The following PAPLN variants were observed in gnomAD, a reference collection of about 807,000 sequenced individuals.
PAPLN encodes the protein papilin, proteoglycan like sulfated glycoprotein, also known as papilin.
A neutral mutation model predicts 159.0 loss-of-function variants in PAPLN; 146 were observed. That is an observed-to-expected ratio of 0.92 (90% CI 0.80 to 1.05). The LOEUF (loss-of-function observed/expected upper bound fraction) is 1.05. Among genes scored for constraint, PAPLN ranks in the 50% least tolerant of loss-of-function variants. The pLI is 0.00. For missense variants in PAPLN, 1,720 were observed against 1,743.9 expected, an observed-to-expected ratio of 0.99 and a Z score of 0.24; for synonymous variants, 734 against 702.9, an observed-to-expected ratio of 1.04 and a Z score of -0.70.
chr14:73,269,816 A>G (rs1474165516), intron 26 of PAPLN, among the ~76,000 whole-genome samples: 1 of 151,974 alleles, frequency 6.6e-6, no homozygotes, highest in Non-Finnish European at 1.5e-5. Context: ...ATTCCTGACA[A>G]TCAGGGCTGC....
intron 18 of PAPLN, 59 bp from the exon 19 acceptor site, chr14:73,262,291 G>A: frequency 6.7e-7 from 1 of 1,483,708 alleles, no homozygotes; most frequent in Non-Finnish European, 9.2e-7. Context: ...TGAGAGGATG[G>A]AGGGTGCAGC....
In PAPLN at chr14:73,266,572, G is replaced by C. The variant is rs1170218767; in HGVS notation, c.3335G>C (p.Cys1112Ser). 1 of 1,614,216 alleles carries C rather than the reference G, an allele frequency of 6.2e-7. No individual in the cohort carries two copies. The highest frequency in any genetic ancestry group is 1.1e-5 in the South Asian group (1 of 91,080). Residue 1112 changes from cysteine to serine, a missense_variant, in exon 24 of 27, where the codon TGT (cysteine) becomes TCT (serine). Physicochemically the swap from Cys to Ser is moderately radical, Grantham distance 112. Transcript: ENST00000644200. ...GTAGAAGATGGCGGCTTCTACACCTGTGTCGCTTTCAATGGGCAGGACCGA... is the reference window on the plus strand; with the variant it reads ...GTAGAAGATGGCGGCTTCTACACCTCTGTCGCTTTCAATGGGCAGGACCGA... ...VAVEDGGFYT[C>S]VAFNGQDRDQ...
intron 10 of PAPLN, 126 bp from the exon 11 acceptor site, chr14:73,252,523 C>G: frequency 7.7e-7 from 1 of 1,294,832 alleles, no homozygotes; most frequent in Non-Finnish European, 1.0e-6. Flanking sequence ...GCACCTGCCT[C>G]GGGGGGGTCA....
At chr14:73,257,076 C>G (rs1191023016) in intron 14 of PAPLN, among the ~76,000 whole-genome samples, 1 of 152,104 alleles carries the variant, frequency 6.6e-6, no homozygotes, top group Non-Finnish European at 1.5e-5. Flanking sequence ...GGCTCAAGGG[C>G]TCCTCCCACA....
chr14:73,241,287 C>G (rs1040312555), intron 2 of PAPLN, among the ~76,000 whole-genome samples: 7 of 152,220 alleles, frequency 4.6e-5, no homozygotes, highest in Non-Finnish European at 1.0e-4. Flanking sequence ...CTAAATGCCA[C>G]TCTCAGGTCC....
At chr14:73,257,753 C>CTTTTTTTTTTTTTTTTTTTTTTTTTTT (rs562890068) in intron 14 of PAPLN, among the ~76,000 whole-genome samples, 2 of 91,256 alleles carry the variant, frequency 2.2e-5, no homozygotes, top group Non-Finnish European at 2.1e-5. Context: ...TCTCTTTCTT[C>CTTTTTTTTTTTTTTTTTTTTTTTTTTT]TTTTTTTTTT....
chr14:73,249,911 G>C, intron 5 of PAPLN, 73 bp from the exon 6 acceptor site: 2 of 1,483,244 alleles, frequency 1.3e-6, no homozygotes, highest in Non-Finnish European at 1.8e-6. Flanking sequence ...CCTGTTGCTA[G>C]GGTAAGCCTT....
intron 14 of PAPLN, among the ~76,000 whole-genome samples, chr14:73,257,497 CCAA>C (rs1886050981): frequency 6.6e-6 from 1 of 151,884 alleles, no homozygotes; most frequent in South Asian, 2.1e-4. Flanking sequence ...TTTGCATTTT[CCAA>C]CAATATTTTG....
In PAPLN at chr14:73,259,548, G is replaced by A; in HGVS notation, c.1985+3G>A. The A allele has an allele frequency of 2.0e-6, 3 of 1,533,068 alleles. No individual in the cohort carries two copies. The highest frequency in any genetic ancestry group is 2.6e-6 in the Non-Finnish European group (3 of 1,138,934). 95.0% of individuals were successfully genotyped at this position (1,533,068 alleles called of 1,614,324 possible). A position where few individuals can be genotyped will look rare whatever the true frequency, so the allele number is the denominator to read the frequency against. ...GGGGCCCCCTGTCAGCAGAGCAGGT[G>A]GGTGCTGGAGACAGGTCTTCCTCCT... On this transcript the variant is annotated splice_donor_region_variant and intron_variant, in intron 16 of 26. Coordinates refer to ENST00000644200, the MANE Select transcript of PAPLN (RefSeq NM_001365906.3).
At position 73,272,707 on chromosome 14, in the gene PAPLN, G is replaced by A; in HGVS notation, c.*43G>A. On this transcript the variant is annotated 3_prime_UTR_variant, in exon 27 of 27. Coordinates refer to ENST00000644200, the MANE Select transcript of PAPLN (RefSeq NM_001365906.3). ...AGCCCCAGTCCAAAATAGTTCATAG[G>A]GCTAGGGAGAAAGGAAGATGGACTC... The A allele has an allele frequency of 6.9e-7, 1 of 1,450,426 alleles. No individual in the cohort carries two copies. Among genetic ancestry groups the A allele is most frequent in the Non-Finnish European group, 9.2e-7 (1 of 1,087,232 alleles). The allele number at this position is 1,450,426 out of a possible 1,614,324, so 89.8% of individuals were successfully genotyped here. A position where few individuals can be genotyped will look rare whatever the true frequency, so the allele number is the denominator to read the frequency against.
intron 6 of PAPLN, 64 bp downstream of exon 6, chr14:73,250,178 C>T (rs1363721815): frequency 2.0e-6 from 3 of 1,494,744 alleles, no homozygotes; most frequent in Non-Finnish European, 2.7e-6. Context: ...GGGTGTTTCC[C>T]TGTCCATCAC....
chr14:73,253,249 C>A (rs1364974198), intron 11 of PAPLN: 1 of 1,357,512 alleles, frequency 7.4e-7, no homozygotes. Flanking sequence ...TCACAGGCTC[C>A]CCGCAGGGCT....
intron 2 of PAPLN, among the ~76,000 whole-genome samples, chr14:73,240,435 A>C (rs1052879108): frequency 1.3e-5 from 2 of 151,970 alleles, no homozygotes; most frequent in Non-Finnish European, 2.9e-5. Context: ...TTTATTTTTA[A>C]AATTTTTAAG....
At chr14:73,236,824 A>G (rs1393325836), upstream of PAPLN, among the ~76,000 whole-genome samples, 3 of 151,526 alleles carry the variant, frequency 2.0e-5, no homozygotes, top group African/African-American at 7.3e-5. Flanking sequence ...CTAAAAAAAA[A>G]AAAAAGAAAA....
Position 73,272,801 on chromosome 14 carries a change from CCCAGTGTTTAGCCTCAACGGCAG to C in PAPLN, c.*143_*165del. Reference sequence around the variant, plus strand: ...ATACATTAGCTCTTTCAAAAACCCACCCAGTGTTTAGCCTCAACGGCAGCCAGTTACCAGCTTCTCTCTGTAGC... The same window carrying C: ...ATACATTAGCTCTTTCAAAAACCCACCCAGTTACCAGCTTCTCTCTGTAGC... On this transcript the variant is annotated 3_prime_UTR_variant, in exon 27 of 27. Coordinates refer to ENST00000644200, the MANE Select transcript of PAPLN (RefSeq NM_001365906.3). 8.2e-6 allele frequency: 8 copies of C among 976,072 alleles called. No individual in the cohort carries two copies. The highest frequency in any genetic ancestry group is 1.1e-5 in the Non-Finnish European group (8 of 727,058). The allele number at this position is 976,072 out of a possible 1,614,324, so 60.5% of individuals were successfully genotyped here.
chr14:73,261,058 C>G (rs1886519960), intron 17 of PAPLN, 98 bp from the exon 18 acceptor site: 1 of 1,591,256 alleles, frequency 6.3e-7, no homozygotes, highest in African/African-American at 1.3e-5. Context: ...GGCTGGGGTT[C>G]TGGCCCCTCC....
chr14:73,248,169 CTGTG>C (rs776221964), intron 5 of PAPLN, among the ~76,000 whole-genome samples: 2 of 101,638 alleles, frequency 2.0e-5, no homozygotes, highest in Non-Finnish European at 1.9e-5. Flanking sequence ...CTCATATCCT[CTGTG>C]TGTGTGTGTG....
At chr14:73,246,642 C>CTTTTTTTTTT (rs60063397) in intron 5 of PAPLN, among the ~76,000 whole-genome samples, 2 of 116,856 alleles carry the variant, frequency 1.7e-5, no homozygotes, top group Non-Finnish European at 1.8e-5. Context: ...TTCTTTCTTT[C>CTTTTTTTTTT]TTTTTTTTTT....
intron 5 of PAPLN, among the ~76,000 whole-genome samples, chr14:73,246,457 A>G (rs1178554867): frequency 7.4e-6 from 1 of 134,876 alleles, no homozygotes; most frequent in African/African-American, 2.8e-5. Context: ...AATGTACAGG[A>G]AATCTTGTAG....
Sources: gnomAD v4.1 joint callset for allele counts (sites outside exome capture counted in the v4.1 genomes callset) on GRCh38, gnomAD v4.1.1 for gene constraint, MANE v1.5 for transcripts, NCBI Gene and HGNC (gene_info 2026-07-23, HGNC 2026-07-21) for gene names.